Variants in COMMD10 observed in about 807,000 individuals in gnomAD.
COMMD10 encodes the protein COMM domain containing 10, also known as COMM domain-containing protein 10.
A neutral mutation model predicts 28.9 loss-of-function variants in COMMD10; 33 were observed. The observed-to-expected ratio is 1.14, with a 90% CI of 0.87 to 1.53. COMMD10 has a LOEUF of 1.53. Ranked by LOEUF, COMMD10 falls within the 40% of genes most tolerant of loss-of-function variation. The pLI is 0.00. For missense variants in COMMD10, 310 were observed against 233.4 expected, an observed-to-expected ratio of 1.33 and a Z score of -2.14; for synonymous variants, 110 against 81.7, an observed-to-expected ratio of 1.35 and a Z score of -1.87.
intron 4 of COMMD10, among the ~76,000 whole-genome samples, chr5:116,103,458 A>G (rs928585859): frequency 2.0e-5 from 3 of 152,148 alleles, no homozygotes; most frequent in African/African-American, 7.2e-5. Context: ...TGGCTGCATA[A>G]ATGTCTTCTT....
intron 5 of COMMD10, among the ~76,000 whole-genome samples, chr5:116,268,515 A>G (rs1750664722): frequency 6.6e-6 from 1 of 151,952 alleles, no homozygotes. Flanking sequence ...ACTGTAAACT[A>G]GTTCAACCAT....
At chr5:116,121,772 A>G (rs1327484214) in intron 4 of COMMD10, among the ~76,000 whole-genome samples, 3 of 152,186 alleles carry the variant, frequency 2.0e-5, no homozygotes, top group Non-Finnish European at 4.4e-5. Flanking sequence ...GGCTGTGTAG[A>G]TGTCTTCTTT....
At chr5:116,176,662 C>T (rs1054475126) in intron 5 of COMMD10, among the ~76,000 whole-genome samples, 14 of 151,996 alleles carry the variant, frequency 9.2e-5, no homozygotes, top group Admixed American at 7.2e-4. Flanking sequence ...TAAGGTTGTA[C>T]TCTTAATGGG....
chr5:116,172,399 G>A (rs1753365013), intron 5 of COMMD10, among the ~76,000 whole-genome samples: 1 of 152,098 alleles, frequency 6.6e-6, no homozygotes, highest in Admixed American at 6.6e-5. Context: ...TGTTTTGTAG[G>A]AATATGGATG....
intron 5 of COMMD10, among the ~76,000 whole-genome samples, chr5:116,153,488 A>C (rs961079091): frequency 6.6e-6 from 1 of 152,140 alleles, no homozygotes. Flanking sequence ...CACAGTAATC[A>C]TCATACCTGA....
At chr5:116,166,441 A>T (rs894003861) in intron 5 of COMMD10, among the ~76,000 whole-genome samples, 32 of 152,276 alleles carry the variant, frequency 2.1e-4, no homozygotes, top group African/African-American at 7.2e-4. Context: ...ATTGAAATAA[A>T]TTGTACCATC....
At chr5:116,217,914 C>CA (rs879104498) in intron 5 of COMMD10, 19,419 of 449,446 alleles carry the variant, frequency 0.043, 1 homozygote, top group Middle Eastern at 0.06. Flanking sequence ...CAGCATAGCT[C>CA]AAAAAAAAAA....
chr5:116,292,438 T>G lies in COMMD10; in HGVS notation c.571-13T>G, dbSNP rs768121834. 6 of 1,454,366 alleles carry G rather than the reference T, an allele frequency of 4.1e-6. No individual in the cohort carries two copies. In the African/African-American group the frequency reaches 6.6e-5, roughly 16 times the overall value. The allele number at this position is 1,454,366 out of a possible 1,614,324, so 90.1% of individuals were successfully genotyped here. On this transcript the variant is annotated splice_polypyrimidine_tract_variant and intron_variant, in intron 6 of 6. Coordinates refer to ENST00000274458, the MANE Select transcript of COMMD10 (RefSeq NM_016144.4). ...TCACTAACGTCTTTTTTTTTTTTTG[T>G]CTTTGTAAATAGCTAGAGACTATAC... is the stretch of plus-strand genomic sequence containing the variant.
chr5:116,192,272 C>A lies in COMMD10; in HGVS notation c.510+58094C>A, dbSNP rs909780226. ...GAAGGCTCTTTAACAACCCCCCCCC[C>A]CAAAAATAACACTAGTTCACAAGCA... On this transcript the variant is annotated intron_variant, in intron 5 of 6. Coordinates refer to ENST00000274458, the MANE Select transcript of COMMD10 (RefSeq NM_016144.4). 7.0e-5 allele frequency among the ~76,000 whole-genome samples: 10 copies of A among 142,634 alleles called. No homozygotes were observed. In the East Asian group the frequency reaches 1.5e-3, roughly 21 times the overall value. 93.6% of individuals were successfully genotyped at this position (142,634 alleles called of 152,430 possible). A position where few individuals can be genotyped will look rare whatever the true frequency, so the allele number is the denominator to read the frequency against.
In COMMD10 at chr5:116,130,022, C is replaced by G. The variant is rs191917701; in HGVS notation, c.400-4046C>G. Among the ~76,000 whole-genome samples, 19 of 151,274 alleles carry G rather than the reference C, an allele frequency of 1.3e-4. No individual in the cohort carries two copies. The East Asian group carries it at 3.7e-3, about 29-fold the overall frequency. On this transcript the variant is annotated intron_variant, in intron 4 of 6. Coordinates refer to ENST00000274458, the MANE Select transcript of COMMD10 (RefSeq NM_016144.4). ...GCAATTTTATTTACTTTTTTTATTA[C>G]TCTGTCATATGGCCATGGAACAAAT...
chr5:116,108,304 A>G (rs183291364), intron 4 of COMMD10, among the ~76,000 whole-genome samples: 1 of 152,212 alleles, frequency 6.6e-6, no homozygotes, highest in Non-Finnish European at 1.5e-5. Flanking sequence ...GCTCTGTCCC[A>G]GGGAGATGGG....
At position 116,193,113 on chromosome 5, in the gene COMMD10, G is replaced by A. The variant is rs559802074; in HGVS notation, c.510+58935G>A. ...TCTTTTTCGGAAAAACAAATGCTGCGTGAATTCACCATTACCAAGCCACCA... is the reference window on the plus strand; with the variant it reads ...TCTTTTTCGGAAAAACAAATGCTGCATGAATTCACCATTACCAAGCCACCA... On this transcript the variant is annotated intron_variant, in intron 5 of 6. Transcript: ENST00000274458. Among the ~76,000 whole-genome samples, 13 of 152,260 alleles carry A rather than the reference G, an allele frequency of 8.5e-5. No individual in the cohort carries two copies. In the East Asian group the frequency reaches 1.2e-3, roughly 14 times the overall value.
At chr5:116,087,984 C>T (rs912525057) in intron 2 of COMMD10, among the ~76,000 whole-genome samples, 20 of 152,076 alleles carry the variant, frequency 1.3e-4, no homozygotes, top group African/African-American at 4.8e-4. Flanking sequence ...AAAAATAATT[C>T]TGTGGTATTT....
At chr5:116,200,246 A>T (rs545498981) in intron 5 of COMMD10, among the ~76,000 whole-genome samples, 1 of 151,876 alleles carries the variant, frequency 6.6e-6, no homozygotes, top group Non-Finnish European at 1.5e-5. Context: ...TGTACCCATC[A>T]CTCCACCCTT....
At chr5:116,100,107 T>A (rs1322585140) in intron 4 of COMMD10, among the ~76,000 whole-genome samples, 1 of 152,194 alleles carries the variant, frequency 6.6e-6, no homozygotes, top group African/African-American at 2.4e-5. Context: ...CTGTGACCTG[T>A]CATATGAGAT....
At chr5:116,256,548 A>G (rs1238797223) in intron 5 of COMMD10, among the ~76,000 whole-genome samples, 2 of 151,568 alleles carry the variant, frequency 1.3e-5, no homozygotes, top group Admixed American at 6.6e-5. Flanking sequence ...CATTTTTCTC[A>G]TCTCCGTCTT....
chr5:116,086,280 C>T (rs114572927), intron 1 of COMMD10, among the ~76,000 whole-genome samples: 2,170 of 152,316 alleles, frequency 0.014, 19 homozygotes, highest in Middle Eastern at 0.027. Flanking sequence ...TTCTGATCGC[C>T]AGTTTCTTTC....
At chr5:116,189,710 G>A (rs992540406) in intron 5 of COMMD10, among the ~76,000 whole-genome samples, 1 of 140,152 alleles carries the variant, frequency 7.1e-6, no homozygotes, top group Non-Finnish European at 1.5e-5. Flanking sequence ...ACACTGTAAA[G>A]AGAATTTAAG....
At chr5:116,185,064 TC>T (rs1748093598) in intron 5 of COMMD10, among the ~76,000 whole-genome samples, 2 of 152,114 alleles carry the variant, frequency 1.3e-5, no homozygotes, top group Non-Finnish European at 2.9e-5. Flanking sequence ...ACAGGTTTCT[TC>T]CCAAAGATGA....
Sources: gnomAD v4.1 joint callset for allele counts (sites outside exome capture counted in the v4.1 genomes callset) on GRCh38, gnomAD v4.1.1 for gene constraint, MANE v1.5 for transcripts, NCBI Gene and HGNC (gene_info 2026-07-23, HGNC 2026-07-21) for gene names.